Variants in CFAP77 observed in about 807,000 individuals in gnomAD.
CFAP77 encodes the protein cilia- and flagella-associated protein 77.
CFAP77 carries 25 observed loss-of-function variants against 31.1 expected under a neutral mutation model. The ratio of observed to expected loss-of-function variants is 0.80; its 90% CI spans 0.59 to 1.12. The LOEUF is 1.12. Ranked by LOEUF, CFAP77 falls within the 50% of genes most tolerant of loss-of-function variation. CFAP77 has a pLI of 0.00. For missense variants in CFAP77, 377 were observed against 397.3 expected (o/e 0.95, Z 0.44); for synonymous variants, 151 against 159.9 (o/e 0.94, Z 0.42).
chr9:132,564,572 G>A lies in CFAP77; in HGVS notation c.733-7816G>A, dbSNP rs1315995078. ...AAAAACAAATATACTCAAAACTTGT[G>A]AGATGAGCTAAAAGAGAATTTAGAG... is the stretch of plus-strand genomic sequence containing the variant. On this transcript the variant is annotated intron_variant, in intron 5 of 5. Coordinates refer to ENST00000393216, the MANE Select transcript of CFAP77 (RefSeq NM_001282957.2). This position sits in a 1 kb window ranked among gnomAD's most constrained non-coding sequence, Gnocchi z 4.6. 6.6e-6 allele frequency among the ~76,000 whole-genome samples: 1 copy of A among 152,136 alleles called. No homozygotes were observed. Among genetic ancestry groups the A allele is most frequent in the Admixed American group, 6.5e-5 (1 of 15,278 alleles).
Position 132,501,409 on chromosome 9 carries a change from T to C in CFAP77, c.524+1809T>C, listed in dbSNP as rs1380355860. ...AGGTTACATGACTATCTTCTTTTTT[T>C]TTTTTTTTGGACAGTGTCTCTGTCT... On this transcript the variant is annotated intron_variant, in intron 3 of 5. Coordinates refer to ENST00000393216, the MANE Select transcript of CFAP77 (RefSeq NM_001282957.2). The surrounding 1 kb of genome is among the most constrained non-coding windows in gnomAD (Gnocchi z 4.6). 6.6e-6 allele frequency among the ~76,000 whole-genome samples: 1 copy of C among 151,946 alleles called. No individual in the cohort carries two copies. Among genetic ancestry groups the C allele is most frequent in the Non-Finnish European group, 1.5e-5 (1 of 67,936 alleles).
chr9:132,562,588 T>C (rs1375421376), intron 5 of CFAP77, among the ~76,000 whole-genome samples: 1 of 152,248 alleles, frequency 6.6e-6, no homozygotes, highest in Non-Finnish European at 1.5e-5. Context: ...GGAACAACAC[T>C]GTCTAATATA....
chr9:132,483,610 T>C (rs1354787237), intron 1 of CFAP77, among the ~76,000 whole-genome samples: 1 of 152,074 alleles, frequency 6.6e-6, no homozygotes, highest in African/African-American at 2.4e-5. Flanking sequence ...CACTGTGAAA[T>C]GGGATGCATC....
rs200653916 is a variant in CFAP77 at position 132,479,229 on chromosome 9, AC to A, written c.196-19463del. Among the ~76,000 whole-genome samples, 159 of 152,292 alleles carry A rather than the reference AC, an allele frequency of 1.0e-3. 1 individual carries two copies. The East Asian group carries it at 0.025, about 24-fold the overall frequency. ...GCAACCCCATGGCATCTAAGAAGCC[AC>A]CCATTAAAGCATTTACAGCACAACC... On this transcript the variant is annotated intron_variant, in intron 1 of 5. Coordinates refer to ENST00000393216, the MANE Select transcript of CFAP77 (RefSeq NM_001282957.2).
At chr9:132,421,894 C>T (rs553738403) in intron 1 of CFAP77, among the ~76,000 whole-genome samples, 1 of 152,366 alleles carries the variant, frequency 6.6e-6, no homozygotes, top group South Asian at 2.1e-4. Context: ...ACCTGAATGG[C>T]TTCTCTCCCA....
chr9:132,466,987 G>A (rs1032414917), intron 1 of CFAP77, among the ~76,000 whole-genome samples: 12 of 152,264 alleles, frequency 7.9e-5, no homozygotes, highest in African/African-American at 2.2e-4. Flanking sequence ...AGACCAGCCC[G>A]GACAACATGG....
intron 1 of CFAP77, among the ~76,000 whole-genome samples, chr9:132,477,387 A>G (rs1589873906): frequency 6.8e-6 from 1 of 146,938 alleles, no homozygotes; most frequent in South Asian, 2.2e-4. Context: ...CAGCCACCAA[A>G]CCCCATCCCA....
At chr9:132,530,126 TCTTTC>T (rs1367633518) in intron 3 of CFAP77, among the ~76,000 whole-genome samples, 2 of 149,338 alleles carry the variant, frequency 1.3e-5, no homozygotes, top group African/African-American at 4.9e-5. Context: ...CTCTTTTCTT[TCTTTC>T]TTTTCTTTTT....
chr9:132,492,353 G>A lies in CFAP77; in HGVS notation c.196-6342G>A, dbSNP rs535546620. 6.9e-4 allele frequency among the ~76,000 whole-genome samples: 105 copies of A among 151,924 alleles called. 1 individual carries two copies. Among genetic ancestry groups the A allele is most frequent in the African/African-American group, 2.5e-3 (102 of 41,198 alleles). The stretch of plus-strand genomic sequence containing the variant: ...AACAAAAACAGCAGACTTTACCTGG[G>A]CTTCTCCTGTGTATAAGGCTCTGTG... On this transcript the variant is annotated intron_variant, in intron 1 of 5. Transcript: ENST00000393216.
At chr9:132,426,189 A>G (rs1274094996) in intron 1 of CFAP77, among the ~76,000 whole-genome samples, 1 of 152,208 alleles carries the variant, frequency 6.6e-6, no homozygotes. Context: ...TTGTGTCAGG[A>G]GAAAGGATTT....
At chr9:132,486,888 C>T (rs1851569903) in intron 1 of CFAP77, among the ~76,000 whole-genome samples, 1 of 152,276 alleles carries the variant, frequency 6.6e-6, no homozygotes, top group Admixed American at 6.5e-5. Context: ...GTGACCGCCT[C>T]ACACGGCAAG....
intron 1 of CFAP77, among the ~76,000 whole-genome samples, chr9:132,440,777 A>G (rs767031939): frequency 1.3e-5 from 2 of 152,328 alleles, no homozygotes; most frequent in African/African-American, 2.4e-5. Context: ...GCCGAGGCTC[A>G]GAGAGGTGTA....
chr9:132,534,566 C>CA (rs1161475233), intron 3 of CFAP77, among the ~76,000 whole-genome samples: 1 of 145,262 alleles, frequency 6.9e-6, no homozygotes, highest in Non-Finnish European at 1.5e-5. Context: ...GAGCTGAGAT[C>CA]TGCCACTGCA....
intron 1 of CFAP77, among the ~76,000 whole-genome samples, chr9:132,416,177 C>T (rs933001711): frequency 7.9e-5 from 12 of 152,060 alleles, no homozygotes; most frequent in African/African-American, 1.9e-4. Flanking sequence ...ACCTTAGACC[C>T]GTCTGCTGGG....
At chr9:132,524,643 T>G (rs1564240345) in intron 3 of CFAP77, among the ~76,000 whole-genome samples, 2 of 150,550 alleles carry the variant, frequency 1.3e-5, no homozygotes, top group Admixed American at 1.3e-4. Context: ...ACACGTGCCA[T>G]ATTTATTTAT....
rs1800110778 is a variant in CFAP77 at position 132,455,975 on chromosome 9, C to G, written c.196-42720C>G. Among the ~76,000 whole-genome samples the G allele has an allele frequency of 6.6e-6, 1 of 152,166 alleles. No individual in the cohort carries two copies. Among genetic ancestry groups the G allele is most frequent in the African/African-American group, 2.4e-5 (1 of 41,442 alleles). On this transcript the variant is annotated intron_variant, in intron 1 of 5. Transcript: ENST00000393216. The surrounding 1 kb of genome is among the most constrained non-coding windows in gnomAD (Gnocchi z 4.1). ...ATTTATCCACTCTTAGTTTTCCCTT[C>G]TCTAAAATGAGGACAATTACACATT...
In CFAP77 at chr9:132,499,733, T is replaced by A; in HGVS notation, c.524+133T>A. 1 of 805,802 alleles carries A rather than the reference T, an allele frequency of 1.2e-6. No individual in the cohort carries two copies. Among genetic ancestry groups the A allele is most frequent in the Non-Finnish European group, 2.0e-6 (1 of 492,164 alleles). The allele number at this position is 805,802 out of a possible 1,614,324, so 49.9% of individuals were successfully genotyped here. On this transcript the variant is annotated intron_variant, in intron 3 of 5. Transcript: ENST00000393216. The surrounding 1 kb of genome is among the most constrained non-coding windows in gnomAD (Gnocchi z 5.4). ...CACTGTCCTCTCTTCAATGACTCTCTCTTGTGTGACCTCTATAGCCACACC... is the reference window on the plus strand; with the variant it reads ...CACTGTCCTCTCTTCAATGACTCTCACTTGTGTGACCTCTATAGCCACACC...
intron 5 of CFAP77, among the ~76,000 whole-genome samples, chr9:132,551,522 C>A (rs1852820041): frequency 6.6e-6 from 1 of 152,218 alleles, no homozygotes; most frequent in African/African-American, 2.4e-5. Flanking sequence ...TCTCGAACTC[C>A]TGGCCTCCAG....
chr9:132,511,571 A>G lies in CFAP77; in HGVS notation c.524+11971A>G, dbSNP rs75565460. ...CTGCGTGAGAGGGAACAGATTGCTC[A>G]AATGCAGTGCGTCCTGGATTTTGGG... On this transcript the variant is annotated intron_variant, in intron 3 of 5. Coordinates refer to ENST00000393216, the MANE Select transcript of CFAP77 (RefSeq NM_001282957.2). The surrounding 1 kb of genome is among the most constrained non-coding windows in gnomAD (Gnocchi z 5.8). Among the ~76,000 whole-genome samples, 13 of 152,332 alleles carry G rather than the reference A, an allele frequency of 8.5e-5. No homozygotes were observed. The East Asian group carries it at 2.5e-3, about 29-fold the overall frequency.
Sources: gnomAD v4.1 joint callset for allele counts (sites outside exome capture counted in the v4.1 genomes callset) on GRCh38, gnomAD v4.1.1 for gene constraint, Gnocchi (gnomAD v3.1) non-coding constraint, MANE v1.5 for transcripts, NCBI Gene and HGNC (gene_info 2026-07-23, HGNC 2026-07-21) for gene names.